TOLLIP: variants seen among roughly 807,000 people sequenced by gnomAD.
TOLLIP encodes toll interacting protein.
In TOLLIP, 16 loss-of-function variants were observed where a neutral mutation model predicts 33.5. The observed-to-expected ratio is 0.48, with a 90% CI of 0.32 to 0.72. The LOEUF is 0.72. Among genes scored for constraint, TOLLIP ranks in the 30% least tolerant of loss-of-function variants. The probability of loss-of-function intolerance (pLI) is 0.03; values close to 1 mark genes in which losing one functional copy is unlikely to be tolerated. For missense variants in TOLLIP, 325 were observed against 396.6 expected, an observed-to-expected ratio of 0.82 and a Z score of 1.53; for synonymous variants, 176 against 163.7, an observed-to-expected ratio of 1.07 and a Z score of -0.57.
Position 1,276,647 on chromosome 11 carries a change from T to C in TOLLIP, c.*392A>G, listed in dbSNP as rs1863312290. 5 of 1,316,926 alleles carry C rather than the reference T, an allele frequency of 3.8e-6. No homozygotes were observed. The highest frequency in any genetic ancestry group is 4.0e-6 in the Non-Finnish European group (4 of 1,006,616). The allele number at this position is 1,316,926 out of a possible 1,614,324, so 81.6% of individuals were successfully genotyped here. A position where few individuals can be genotyped will look rare whatever the true frequency, so the allele number is the denominator to read the frequency against. ...ATTGTGTGTGCCTTAAATCAACAGC[T>C]CTATTCCAATTACATCACATCACAA... is the stretch of plus-strand genomic sequence containing the variant. On this transcript the variant is annotated 3_prime_UTR_variant, in exon 6 of 6. Transcript: ENST00000317204.
chr11:1,284,647 C>T (rs1052636591), intron 5 of TOLLIP, among the ~76,000 whole-genome samples: 1 of 152,188 alleles, frequency 6.6e-6, no homozygotes, highest in Non-Finnish European at 1.5e-5. Flanking sequence ...CCACACCCAC[C>T]CCCAGGCTGG....
intron 1 of TOLLIP, among the ~76,000 whole-genome samples, chr11:1,305,253 A>C (rs1864394328): frequency 6.6e-6 from 1 of 152,218 alleles, no homozygotes; most frequent in South Asian, 2.1e-4. Context: ...CCAGAGAGAA[A>C]GGACTCGTGA....
chr11:1,295,206 C>T (rs1447167975), intron 2 of TOLLIP, among the ~76,000 whole-genome samples: 3 of 152,234 alleles, frequency 2.0e-5, no homozygotes, highest in South Asian at 2.1e-4. Context: ...TAAGCAACCA[C>T]GGGCCGGCCC....
rs1218052751 is a variant in TOLLIP, at chr11:1,277,788, TG to T, written c.611-536del. On this transcript the variant is annotated intron_variant, in intron 5 of 5. Coordinates refer to ENST00000317204, the MANE Select transcript of TOLLIP (RefSeq NM_019009.4). This position sits in a 1 kb window ranked among gnomAD's most constrained non-coding sequence, Gnocchi z 4.2. ...AGTGTGTCACTAAACTGTGTGCCGG[TG>T]GGGAACAATCACCACAGGCACTGAA... Among the ~76,000 whole-genome samples, 3 of 152,080 alleles carry T rather than the reference TG, an allele frequency of 2.0e-5. No individual in the cohort carries two copies. Among genetic ancestry groups the T allele is most frequent in the Non-Finnish European group, 4.4e-5 (3 of 68,014 alleles).
At position 1,290,310 on chromosome 11, in the gene TOLLIP, C is replaced by A. The variant is rs1863892176; in HGVS notation, c.283G>T (p.Ala95Ser). ...ACCTTATTCCAGCGGGGATTCTTGG[C>A]GCCATTGTGTGCCGTGGGCGTCTCG... ...VYETPTAHNG[A>S]KNPRWNKVIH... Residue 95 changes from alanine to serine, a missense_variant, in exon 3 of 6, where the codon GCC becomes TCC. Physicochemically the swap from Ala to Ser is moderately conservative, Grantham distance 99 (BLOSUM62 1). Coordinates refer to ENST00000317204, the MANE Select transcript of TOLLIP (RefSeq NM_019009.4). This position sits in a 1 kb window ranked among gnomAD's most constrained non-coding sequence, Gnocchi z 4.9. The A allele has an allele frequency of 1.9e-6, 3 of 1,613,640 alleles. No homozygotes were observed. Among genetic ancestry groups the A allele is most frequent in the Non-Finnish European group, 2.5e-6 (3 of 1,179,976 alleles).
In TOLLIP at chr11:1,279,128, C is replaced by T. The variant is rs144319382; in HGVS notation, c.611-1875G>A. Reference sequence around the variant, plus strand: ...GCAAAATCGATGACGGTGGCTGTGACGCTGCGACGTCACGGCCTGGGGTGT... The same window carrying T: ...GCAAAATCGATGACGGTGGCTGTGATGCTGCGACGTCACGGCCTGGGGTGT... On this transcript the variant is annotated intron_variant, in intron 5 of 5. Coordinates refer to ENST00000317204, the MANE Select transcript of TOLLIP (RefSeq NM_019009.4). Among the ~76,000 whole-genome samples the T allele has an allele frequency of 2.2e-3, 339 of 152,366 alleles. 5 individuals are homozygous for T. Among genetic ancestry groups the T allele is most frequent in the African/African-American group, 7.6e-3 (318 of 41,594 alleles).
At chr11:1,306,383 G>A (rs1021391933) in intron 1 of TOLLIP, among the ~76,000 whole-genome samples, 7 of 152,042 alleles carry the variant, frequency 4.6e-5, no homozygotes, top group South Asian at 4.2e-4. Context: ...GGATCTTGCC[G>A]TCTCCCCTTA....
In TOLLIP at chr11:1,309,534, C is replaced by CA; in HGVS notation, c.-37dup. The CA allele has an allele frequency of 7.9e-7, 1 of 1,272,052 alleles. No individual in the cohort carries two copies. Among genetic ancestry groups the CA allele is most frequent in the Non-Finnish European group, 1.0e-6 (1 of 998,908 alleles). 78.8% of individuals were successfully genotyped at this position (1,272,052 alleles called of 1,614,324 possible). ...CGGCCCCCGTGGCTCGCCGACCCGA[C>CA]AGTGACGCGCCGGGCGACCTCCTGC... On this transcript the variant is annotated 5_prime_UTR_variant, in exon 1 of 6. Coordinates refer to ENST00000317204, the MANE Select transcript of TOLLIP (RefSeq NM_019009.4).
chr11:1,296,147 C>G (rs1039442170), intron 1 of TOLLIP, among the ~76,000 whole-genome samples: 1 of 152,234 alleles, frequency 6.6e-6, no homozygotes, highest in Non-Finnish European at 1.5e-5. Context: ...TCCTTGTCCA[C>G]AGCTAAAGGC....
At position 1,293,207 on chromosome 11, in the gene TOLLIP, C is replaced by T. The variant is rs4963034; in HGVS notation, c.183+2438G>A. Among the ~76,000 whole-genome samples, 308 of 152,304 alleles carry T rather than the reference C, an allele frequency of 2.0e-3. 2 individuals carry two copies. The highest frequency in any genetic ancestry group is 0.019 in the Admixed American group (294 of 15,306). On this transcript the variant is annotated intron_variant, in intron 2 of 5. Coordinates refer to ENST00000317204, the MANE Select transcript of TOLLIP (RefSeq NM_019009.4). The stretch of plus-strand genomic sequence containing the variant: ...AGTGTGGGGCAGCCACCTGCGGACA[C>T]GGGGGAGAAGCCGGGAGGGTGGCCC...
At chr11:1,307,301 G>T (rs538052042) in intron 1 of TOLLIP, among the ~76,000 whole-genome samples, 10 of 152,210 alleles carry the variant, frequency 6.6e-5, no homozygotes, top group Non-Finnish European at 1.3e-4. Context: ...CTACATGATG[G>T]AAACAGCCCA....
intron 5 of TOLLIP, among the ~76,000 whole-genome samples, chr11:1,283,020 G>A (rs1424927804): frequency 6.6e-6 from 1 of 152,184 alleles, no homozygotes; most frequent in Non-Finnish European, 1.5e-5. Flanking sequence ...GGCTGACAAG[G>A]GCGGGATCTT....
Position 1,309,481 on chromosome 11 carries a change from G to C in TOLLIP, c.18C>G (p.Ser6Arg). The C allele has an allele frequency of 7.5e-7, 1 of 1,341,302 alleles. No individual in the cohort carries two copies. The highest frequency in any genetic ancestry group is 9.6e-7 in the Non-Finnish European group (1 of 1,040,208). 83.1% of individuals were successfully genotyped at this position (1,341,302 alleles called of 1,614,324 possible). A position where few individuals can be genotyped will look rare whatever the true frequency, so the allele number is the denominator to read the frequency against. MATTV[S>R]TQRGPVYIGE... is the part of the protein sequence containing the mutation. ...GCTGCCTCACCGGCCCGCGCTGAGT[G>C]CTGACGGTGGTCGCCATGGTGCTGC... is the stretch of plus-strand genomic sequence containing the variant. Residue 6 changes from serine to arginine, a missense_variant, in exon 1 of 6, where the codon AGC (serine) becomes AGG (arginine). By Grantham distance (110) the Ser-to-Arg change is moderately radical. Transcript: ENST00000317204.
At chr11:1,300,965 A>G (rs1864258744) in intron 1 of TOLLIP, among the ~76,000 whole-genome samples, 1 of 152,266 alleles carries the variant, frequency 6.6e-6, no homozygotes, top group East Asian at 1.9e-4. Flanking sequence ...CCACGCATGC[A>G]CCTGCACTTG....
chr11:1,278,975 G>A lies in TOLLIP; in HGVS notation c.611-1722C>T, dbSNP rs1055211948. Among the ~76,000 whole-genome samples the A allele has an allele frequency of 3.3e-5, 5 of 152,162 alleles. No individual in the cohort carries two copies. The highest frequency in any genetic ancestry group is 7.2e-5 in the African/African-American group (3 of 41,432). On this transcript the variant is annotated intron_variant, in intron 5 of 5. Transcript: ENST00000317204. This position sits in a 1 kb window ranked among gnomAD's most constrained non-coding sequence, Gnocchi z 4.7. ...CATGGCAACAAGAGGAATGGGGCTCGGCCATCGCCTGTCCCTGCCCACACG... is the reference window on the plus strand; with the variant it reads ...CATGGCAACAAGAGGAATGGGGCTCAGCCATCGCCTGTCCCTGCCCACACG...
At chr11:1,302,705 C>T in intron 1 of TOLLIP, 20 of 986,008 alleles carry the variant, frequency 2.0e-5, no homozygotes, top group Non-Finnish European at 2.4e-5. Context: ...AGTCTCCTGG[C>T]ACTGGCATGT....
chr11:1,302,885 C>T (rs939150974), intron 1 of TOLLIP: 22 of 746,020 alleles, frequency 2.9e-5, no homozygotes, highest in South Asian at 6.1e-5. Context: ...AGCACTCATT[C>T]GCCGTGCCTT....
intron 4 of TOLLIP, among the ~76,000 whole-genome samples, chr11:1,286,458 C>T (rs1190616425): frequency 6.6e-4 from 101 of 152,182 alleles, no homozygotes; most frequent in Non-Finnish European, 7.3e-5. Flanking sequence ...GTCAACTTCA[C>T]ATAAGTCACT....
chr11:1,277,675 G>A lies in TOLLIP; in HGVS notation c.611-422C>T, dbSNP rs1168176133. Among the ~76,000 whole-genome samples the A allele has an allele frequency of 2.0e-5, 3 of 152,132 alleles. No individual in the cohort carries two copies. The highest frequency in any genetic ancestry group is 1.9e-4 in the East Asian group (1 of 5,186). ...CTCTGCATCTGGGGACGGACTACAC[G>A]GAATGTCACGCCCGCTGATCCAAAC... On this transcript the variant is annotated intron_variant, in intron 5 of 5. Coordinates refer to ENST00000317204, the MANE Select transcript of TOLLIP (RefSeq NM_019009.4). The surrounding 1 kb of genome is among the most constrained non-coding windows in gnomAD (Gnocchi z 4.2).
Sources: gnomAD v4.1 joint callset for allele counts (sites outside exome capture counted in the v4.1 genomes callset) on GRCh38, gnomAD v4.1.1 for gene constraint, Gnocchi (gnomAD v3.1) non-coding constraint, MANE v1.5 for transcripts, NCBI Gene and HGNC (gene_info 2026-07-23, HGNC 2026-07-21) for gene names.